IDI1: variants seen among roughly 807,000 people sequenced by gnomAD.
The protein encoded by IDI1 is isopentenyl-diphosphate delta isomerase 1, also known as isopentenyl-diphosphate Delta-isomerase 1.
A neutral mutation model predicts 32.9 loss-of-function variants in IDI1; 23 were observed. That is an observed-to-expected ratio of 0.70 (90% CI 0.50 to 0.99). The LOEUF is 0.99. Ranked by LOEUF, IDI1 falls within the 50% of genes least tolerant of loss-of-function variation. IDI1 has a pLI of 0.00. For synonymous variants in IDI1, 133 were observed against 128.2 expected (o/e 1.04, Z -0.25); for missense variants, 326 against 351.9 (o/e 0.93, Z 0.59).
Position 1,042,741 on chromosome 10 carries a change from C to T in IDI1, c.428G>A (p.Cys143Tyr), listed in dbSNP as rs748485569. 26 of 1,613,794 alleles carry T rather than the reference C, an allele frequency of 1.6e-5. No homozygotes were observed. The highest frequency in any genetic ancestry group is 1.9e-5 in the Non-Finnish European group (22 of 1,179,840). ...GGCTGGATTGCTTAATGGATGACTA[C>T]AACACGTATTCGTAAAACAACCTGG... is the stretch of plus-strand genomic sequence containing the variant. ...TFPGCFTNTC[C>Y]SHPLSNPAEL... The change falls in exon 4 of 5, where the codon TGT (cysteine) becomes TAT (tyrosine). Residue 143 changes from cysteine (C) to tyrosine (Y), a missense_variant. Cys to Tyr is a radical substitution (Grantham distance 194). Coordinates refer to ENST00000381344, the MANE Select transcript of IDI1 (RefSeq NM_004508.4).
chr10:1,044,327 C>G, intron 1 of IDI1, 156 bp from the exon 2 acceptor site: 2 of 561,742 alleles, frequency 3.6e-6, no homozygotes, highest in Non-Finnish European at 6.3e-6. Context: ...CTGCTCAGCA[C>G]TATCTGGGTC....
intron 4 of IDI1, among the ~76,000 whole-genome samples, chr10:1,041,887 C>T (rs1218130068): frequency 1.3e-4 from 20 of 151,106 alleles, no homozygotes; most frequent in Non-Finnish European, 1.6e-4. Flanking sequence ...CTCACTGCAA[C>T]CTCCGCCTCC....
chr10:1,049,980 G>A (rs776180319), upstream of IDI1, among the ~76,000 whole-genome samples: 1 of 152,184 alleles, frequency 6.6e-6, no homozygotes, highest in Non-Finnish European at 1.5e-5. Context: ...ATCGTGAAAT[G>A]TATGCGCAGC....
Position 1,048,957 on chromosome 10 carries a change from C to CG in IDI1, c.46dup (p.Arg16ProfsTer45). On this transcript the variant is annotated frameshift_variant, in exon 1 of 5. Transcript: ENST00000381344. LOFTEE classifies it high-confidence loss of function. Reference sequence around the variant, plus strand: ...GCGCACCGCCCACTGGCCCCGCCCCCGGGCCGCGCAGCCAATCGCTCGCGC... The same window carrying CG: ...GCGCACCGCCCACTGGCCCCGCCCCCGGGGCCGCGCAGCCAATCGCTCGCGC... The CG allele has an allele frequency of 6.4e-7, 1 of 1,561,180 alleles. No homozygotes were observed. The highest frequency in any genetic ancestry group is 8.6e-7 in the Non-Finnish European group (1 of 1,157,632).
In IDI1 at chr10:1,048,998, C is replaced by G. The variant is rs1236718553; in HGVS notation, c.6G>C (p.Trp2Cys). 1 of 1,496,946 alleles carries G rather than the reference C, an allele frequency of 6.7e-7. No homozygotes were observed. The highest frequency in any genetic ancestry group is 2.3e-5 in the Admixed American group (1 of 42,846). 92.7% of individuals were successfully genotyped at this position (1,496,946 alleles called of 1,614,324 possible). Residue 2 changes from tryptophan (W) to cysteine (C), a missense_variant, in exon 1 of 5, where the codon TGG becomes TGC. Transcript: ENST00000381344. ...TCGCTCGCGCCAGCGCCAGTCCACG[C>G]CACATCGCCCGGCCAATTGGCGCCC... The part of the protein sequence containing the change: M[W>C]RGLALARAIG...
At chr10:1,053,344 A>C (rs2131591422), upstream of IDI1, among the ~76,000 whole-genome samples, 1 of 152,148 alleles carries the variant, frequency 6.6e-6, no homozygotes, top group African/African-American at 2.4e-5. Context: ...CTTTCCTTCA[A>C]CCTCATGAAC....
chr10:1,043,581 C>T (rs764478515), intron 2 of IDI1, 188 bp from the exon 3 acceptor site: 24 of 688,412 alleles, frequency 3.5e-5, no homozygotes, highest in Middle Eastern at 2.3e-4. Context: ...GGAAGTTGGC[C>T]GTCGAGTGAA....
intron 2 of IDI1, 156 bp from the exon 3 acceptor site, chr10:1,043,549 G>A: frequency 1.4e-6 from 1 of 704,580 alleles, no homozygotes; most frequent in Non-Finnish European, 2.6e-6. Context: ...GCTATGGTGA[G>A]GAAGAGCTCT....
chr10:1,055,953 C>A, the IDI1 span, among the ~76,000 whole-genome samples: 3 of 152,086 alleles, frequency 2.0e-5, no homozygotes, highest in Non-Finnish European at 4.4e-5. Context: ...GGGTTACAGG[C>A]GCGCGCCGCC....
intron 4 of IDI1, 137 bp from the exon 5 acceptor site, chr10:1,041,641 TCTC>T: frequency 2.0e-6 from 1 of 493,626 alleles, no homozygotes; most frequent in Non-Finnish European, 3.6e-6. Context: ...AAAGCATTAA[TCTC>T]CTATCAATGG....
rs1832884244 is a variant in IDI1, at chr10:1,048,811, C to T, written c.140+53G>A. 4 of 1,582,936 alleles carry T rather than the reference C, an allele frequency of 2.5e-6. No individual in the cohort carries two copies. The Admixed American group carries it at 5.2e-5, about 21-fold the overall frequency. On this transcript the variant is annotated intron_variant, in intron 1 of 4. Transcript: ENST00000381344. ...CTCCTCCCCGCCCCGTCCCGCAGCT[C>T]CCCGATGCCGCCCTGCCCCTGTCTC...
chr10:1,047,982 T>G (rs1479278753), intron 1 of IDI1, among the ~76,000 whole-genome samples: 1 of 152,164 alleles, frequency 6.6e-6, no homozygotes, highest in Non-Finnish European at 1.5e-5. Flanking sequence ...TAAGATAGGT[T>G]TCGTTACTAC....
At chr10:1,043,905 G>A (rs1589051475) in intron 2 of IDI1, 94 bp downstream of exon 2, 1 of 1,035,982 alleles carries the variant, frequency 9.7e-7, no homozygotes, top group East Asian at 2.4e-5. Context: ...CGGTATTACT[G>A]AAGACTGCAC....
intron 4 of IDI1, among the ~76,000 whole-genome samples, chr10:1,041,757 T>TA (rs994999392): frequency 1.5e-4 from 23 of 151,478 alleles, no homozygotes; most frequent in Non-Finnish European, 3.4e-4. Context: ...TTTTTAATGT[T>TA]AAAAAAAGGG....
chr10:1,054,484 A>C, the IDI1 span, among the ~76,000 whole-genome samples: 2 of 152,228 alleles, frequency 1.3e-5, no homozygotes, highest in East Asian at 1.9e-4. Flanking sequence ...GTCTTAGTAA[A>C]TTCAGCATTG....
the IDI1 span, among the ~76,000 whole-genome samples, chr10:1,054,789 G>C: frequency 6.6e-6 from 1 of 152,138 alleles, no homozygotes; most frequent in East Asian, 1.9e-4. Flanking sequence ...ACCTTATTTG[G>C]AAACAGGGTT....
rs878862785 is a variant in IDI1, at chr10:1,041,386, T to C, written c.656A>G (p.Asn219Ser). The C allele has an allele frequency of 6.2e-7, 1 of 1,613,314 alleles. No homozygotes were observed. The highest frequency in any genetic ancestry group is 1.3e-5 in the African/African-American group (1 of 75,018). Residue 219 changes from asparagine (N) to serine (S), a missense_variant, in exon 5 of 5, where the codon AAT becomes AGT. Physicochemically the swap from Asn to Ser is conservative, Grantham distance 46. Coordinates refer to ENST00000381344, the MANE Select transcript of IDI1 (RefSeq NM_004508.4). ...GCTTTTAATCTCATTGGGATCTGGA[T>C]TCAAAGTTACATTCTTCCTCACCAA... is the stretch of plus-strand genomic sequence containing the variant. Reference protein sequence around the residue: ...ILLVRKNVTLNPDPNEIKSYC... With the variant: ...ILLVRKNVTLSPDPNEIKSYC...
chr10:1,050,961 A>AT (rs1409945067), upstream of IDI1, among the ~76,000 whole-genome samples: 1 of 152,230 alleles, frequency 6.6e-6, no homozygotes, highest in African/African-American at 2.4e-5. Flanking sequence ...TATCTTGGTT[A>AT]TTCTTTTTCG....
chr10:1,043,406 G>C lies in IDI1; in HGVS notation c.314-13C>G, dbSNP rs756866930. The C allele has an allele frequency of 6.5e-7, 1 of 1,534,770 alleles. No individual in the cohort carries two copies. The highest frequency in any genetic ancestry group is 9.0e-7 in the Non-Finnish European group (1 of 1,107,858). ...CGATGCAATAATCCTGAAAGCAAAA[G>C]AAATAACAATTATTTTAGCCTTAAG... is the stretch of plus-strand genomic sequence containing the variant. On this transcript the variant is annotated splice_polypyrimidine_tract_variant and intron_variant, in intron 2 of 4. Transcript: ENST00000381344.
Sources: gnomAD v4.1 joint callset for allele counts (sites outside exome capture counted in the v4.1 genomes callset) on GRCh38, gnomAD v4.1.1 for gene constraint, MANE v1.5 for transcripts, NCBI Gene and HGNC (gene_info 2026-07-23, HGNC 2026-07-21) for gene names.